PHLDB1: variants seen among roughly 807,000 people sequenced by gnomAD.
PHLDB1 encodes pleckstrin homology like domain family B member 1.
PHLDB1 carries 65 observed loss-of-function variants against 139.3 expected under a neutral mutation model. The observed-to-expected ratio is 0.47, with a 90% CI of 0.38 to 0.57. The LOEUF (loss-of-function observed/expected upper bound fraction) is 0.57. PHLDB1 is among the 20% of genes least tolerant of loss of function. PHLDB1 has a pLI of 0.00. For synonymous variants in PHLDB1, 679 were observed against 734.5 expected, an observed-to-expected ratio of 0.92 and a Z score of 1.22; for missense variants, 1,624 against 1,839.7, an observed-to-expected ratio of 0.88 and a Z score of 2.14.
At chr11:118,647,666 T>C (rs1947730109) in intron 17 of PHLDB1, 3 of 310,208 alleles carry the variant, frequency 9.7e-6, no homozygotes, top group Non-Finnish European at 1.2e-5. Context: ...GTGAGCGAGA[T>C]AAAAAAAAAA....
At chr11:118,641,900 G>A (rs1488907694) in intron 12 of PHLDB1, 1 of 748,066 alleles carries the variant, frequency 1.3e-6, no homozygotes, top group African/African-American at 1.8e-5. Context: ...AGTGCCCAGT[G>A]CCTGCAGGCT....
rs1247526901 is a variant in PHLDB1 at position 118,650,695 on chromosome 11, C to T, written c.3874+148C>T. ...TTTGCCCTCCTTCCCTGAAAATGTA[C>T]ACAATGTACCTGGTTCACCTCCATT... On this transcript the variant is annotated intron_variant, in intron 20 of 22. Transcript: ENST00000600882. This position sits in a 1 kb window ranked among gnomAD's most constrained non-coding sequence, Gnocchi z 4.7. 3.2e-6 allele frequency: 2 copies of T among 619,736 alleles called. No homozygotes were observed. Among genetic ancestry groups the T allele is most frequent in the Non-Finnish European group, 5.8e-6 (2 of 346,548 alleles). 38.4% of individuals were successfully genotyped at this position (619,736 alleles called of 1,614,324 possible).
intron 4 of PHLDB1, among the ~76,000 whole-genome samples, chr11:118,616,540 CAGT>C (rs1324407730): frequency 6.6e-6 from 1 of 152,138 alleles, no homozygotes; most frequent in Non-Finnish European, 1.5e-5. Context: ...ATTGGAGCAG[CAGT>C]GAGAGGGTAT....
At chr11:118,643,768 A>G in intron 13 of PHLDB1, 32 bp from the exon 14 acceptor site, 1 of 1,614,040 alleles carries the variant, frequency 6.2e-7, no homozygotes, top group South Asian at 1.1e-5. Context: ...TGGGGGAGCC[A>G]GGAATCACTG....
In PHLDB1 at chr11:118,628,137, G is replaced by A. The variant is rs529429283; in HGVS notation, c.1314G>A (p.Leu438=). The change falls in exon 6 of 23, where the codon CTG becomes CTA. Residue 438 remains leucine (L), a synonymous_variant. Coordinates refer to ENST00000600882, the MANE Select transcript of PHLDB1 (RefSeq NM_001144758.3). ...TFSDGLATRT[L]QPPESPRLGR... Reference sequence around the variant, plus strand: ...CAGATGGGTTAGCCACCCGTACCCTGCAGCCTCCTGAGAGTCCCCGCCTGG... The same window carrying A: ...CAGATGGGTTAGCCACCCGTACCCTACAGCCTCCTGAGAGTCCCCGCCTGG... 15 of 1,614,092 alleles carry A rather than the reference G, an allele frequency of 9.3e-6. No homozygotes were observed. In the African/African-American group the frequency reaches 1.9e-4, roughly 20 times the overall value.
intron 17 of PHLDB1, chr11:118,647,665 A>AT (rs1213717154): frequency 1.5e-5 from 5 of 327,392 alleles, no homozygotes; most frequent in Admixed American, 4.4e-5. Flanking sequence ...AGTGAGCGAG[A>AT]TAAAAAAAAA....
At chr11:118,634,792 C>T (rs764000554) in intron 9 of PHLDB1, 4 of 239,464 alleles carry the variant, frequency 1.7e-5, no homozygotes, top group Non-Finnish European at 2.7e-5. Flanking sequence ...CCCCCATTGC[C>T]GACCCCCATT....
In PHLDB1 at chr11:118,645,752, TG is replaced by T; in HGVS notation, c.3438del (p.Lys1147ArgfsTer9). On this transcript the variant is annotated frameshift_variant, in exon 17 of 23. Coordinates refer to ENST00000600882, the MANE Select transcript of PHLDB1 (RefSeq NM_001144758.3). LOFTEE classifies it high-confidence loss of function. This position sits in a 1 kb window ranked among gnomAD's most constrained non-coding sequence, Gnocchi z 5.1. ...DNMSSASGLD[M>X]GKIEEMEKML... ...CTCCCCAGCGCGAGTGGTCTGGACATGGGGAAGATCGAGGAGATGGAGAAGA... is the reference window on the plus strand; with the variant it reads ...CTCCCCAGCGCGAGTGGTCTGGACATGGGAAGATCGAGGAGATGGAGAAGA... 1 of 1,613,304 alleles carries T rather than the reference TG, an allele frequency of 6.2e-7. No individual in the cohort carries two copies. Among genetic ancestry groups the T allele is most frequent in the Non-Finnish European group, 8.5e-7 (1 of 1,179,398 alleles).
At chr11:118,641,760 C>T (rs782167006) in intron 12 of PHLDB1, 54 of 1,289,610 alleles carry the variant, frequency 4.2e-5, no homozygotes, top group African/African-American at 1.4e-4. Flanking sequence ...CCTCCTCGTT[C>T]GCTTCCATCA....
intron 4 of PHLDB1, among the ~76,000 whole-genome samples, chr11:118,618,814 T>C (rs1555092005): frequency 1.3e-5 from 2 of 151,898 alleles, no homozygotes; most frequent in East Asian, 4.0e-4. Flanking sequence ...TGCATCATTC[T>C]GGGCACTGTG....
intron 13 of PHLDB1, among the ~76,000 whole-genome samples, chr11:118,643,129 T>A (rs1555122853): frequency 6.6e-6 from 1 of 152,250 alleles, no homozygotes; most frequent in Non-Finnish European, 1.5e-5. Context: ...CATGTAAGAC[T>A]TCTACTGTGT....
In PHLDB1 at chr11:118,616,118, G is replaced by A. The variant is rs201811328; in HGVS notation, c.262G>A (p.Glu88Lys). ...PGLAPEHCYI[E>K]NLRGTLTLYP... Reference sequence around the variant, plus strand: ...CCTGGCTCCAGAGCACTGCTACATCGAGAACCTGCGGGGCACCCTCACCCT... The same window carrying A: ...CCTGGCTCCAGAGCACTGCTACATCAAGAACCTGCGGGGCACCCTCACCCT... The change falls in exon 4 of 23, where the codon GAG (glutamate) becomes AAG (lysine). Residue 88 changes from glutamate (E) to lysine (K), a missense_variant. Transcript: ENST00000600882. 1.4e-4 allele frequency: 219 copies of A among 1,614,080 alleles called. 1 individual carries two copies. The East Asian group carries it at 4.4e-3, about 33-fold the overall frequency.
rs1947266873 is a variant in PHLDB1 at position 118,645,115 on chromosome 11, CAG to C, written c.3122-240_3122-239del. The C allele has an allele frequency of 2.1e-6, 1 of 472,318 alleles. No homozygotes were observed. The highest frequency in any genetic ancestry group is 3.7e-6 in the Non-Finnish European group (1 of 269,730). The allele number at this position is 472,318 out of a possible 1,614,324, so 29.3% of individuals were successfully genotyped here. ...GTAGGTTTGGTGTCCTATATGGACT[CAG>C]GGTGCGAAAGAGCACTGAAGCCAGA... is the stretch of plus-strand genomic sequence containing the variant. On this transcript the variant is annotated intron_variant, in intron 15 of 22. Coordinates refer to ENST00000600882, the MANE Select transcript of PHLDB1 (RefSeq NM_001144758.3). The surrounding 1 kb of genome is among the most constrained non-coding windows in gnomAD (Gnocchi z 5.1).
At chr11:118,635,239 A>G in intron 9 of PHLDB1, 154 bp from the exon 10 acceptor site, 1 of 898,842 alleles carries the variant, frequency 1.1e-6, no homozygotes, top group Non-Finnish European at 1.7e-6. Flanking sequence ...GCAAAAGGGC[A>G]AGGCCAAGTA....
chr11:118,648,058 G>A lies in PHLDB1; in HGVS notation c.3636G>A (p.Arg1212=). 1 of 1,613,594 alleles carries A rather than the reference G, an allele frequency of 6.2e-7. No homozygotes were observed. Reference sequence around the variant, plus strand: ...TGGTCGAGAAGGAGGTCAAGATGCGGGAGAAACAATTTTCCCAGGTGAATG... The same window carrying A: ...TGGTCGAGAAGGAGGTCAAGATGCGAGAGAAACAATTTTCCCAGGTGAATG... ...QQLVEKEVKM[R]EKQFSQARPL... Residue 1212 remains arginine (R), a synonymous_variant, in exon 18 of 23, where the codon CGG becomes CGA. Transcript: ENST00000600882.
chr11:118,638,490 G>A (rs1946004719), intron 10 of PHLDB1, among the ~76,000 whole-genome samples: 1 of 152,226 alleles, frequency 6.6e-6, no homozygotes, highest in African/African-American at 2.4e-5. Context: ...GGATCAGGAA[G>A]TTGAGAGAGT....
At chr11:118,633,039 C>T (rs1263244460) in intron 9 of PHLDB1, 1 of 160,062 alleles carries the variant, frequency 6.2e-6, no homozygotes, top group African/African-American at 2.4e-5. Flanking sequence ...AAACCACACT[C>T]CCAAATTCTG....
At position 118,611,430 on chromosome 11, in the gene PHLDB1, G is replaced by A. The variant is rs1451574676; in HGVS notation, c.-21-2386G>A. ...TTTACAATCTTTATCTCCACTTGAA[G>A]TTCTTGGGTGTAAATAAATGAGCAC... is the stretch of plus-strand genomic sequence containing the variant. On this transcript the variant is annotated intron_variant, in intron 1 of 22. Coordinates refer to ENST00000600882, the MANE Select transcript of PHLDB1 (RefSeq NM_001144758.3). This position sits in a 1 kb window ranked among gnomAD's most constrained non-coding sequence, Gnocchi z 4.7. Among the ~76,000 whole-genome samples the A allele has an allele frequency of 6.6e-6, 1 of 152,034 alleles. No homozygotes were observed. Among genetic ancestry groups the A allele is most frequent in the Non-Finnish European group, 1.5e-5 (1 of 68,016 alleles).
chr11:118,636,856 A>G (rs1945738781), intron 10 of PHLDB1: 1 of 152,120 alleles, frequency 6.6e-6, no homozygotes, highest in Non-Finnish European at 1.5e-5. Flanking sequence ...TCTGGTGAGT[A>G]TAAGCTCCAG....
Sources: gnomAD v4.1 joint callset for allele counts (sites outside exome capture counted in the v4.1 genomes callset) on GRCh38, gnomAD v4.1.1 for gene constraint, Gnocchi (gnomAD v3.1) non-coding constraint, MANE v1.5 for transcripts, NCBI Gene and HGNC (gene_info 2026-07-23, HGNC 2026-07-21) for gene names.